The following SNX2 variants were observed in gnomAD, a reference collection of about 807,000 sequenced individuals.
The protein encoded by SNX2 is sorting nexin-2.
SNX2 carries 25 observed loss-of-function variants against 69.9 expected under a neutral mutation model. The ratio of observed to expected loss-of-function variants is 0.36; its 90% confidence interval spans 0.26 to 0.50. SNX2 has a LOEUF of 0.50. Ranked by LOEUF, SNX2 falls within the 20% of genes least tolerant of loss-of-function variation. SNX2 has a pLI of 0.97. For synonymous variants in SNX2, 229 were observed against 200.4 expected (o/e 1.14, Z -1.20); for missense variants, 551 against 613.3 (o/e 0.90, Z 1.07).
rs942821945 is a variant in SNX2, at chr5:122,798,303, A to G, written c.227-1389A>G. 3.9e-5 allele frequency among the ~76,000 whole-genome samples: 6 copies of G among 152,246 alleles called. 1 individual carries two copies. Among genetic ancestry groups the G allele is most frequent in the Admixed American group, 3.9e-4 (6 of 15,290 alleles). ...GCTTATCTATAGCCTGTTTCAACATATATAGTCCATTTTCCTTCCTCTGGT... is the reference window on the plus strand; with the variant it reads ...GCTTATCTATAGCCTGTTTCAACATGTATAGTCCATTTTCCTTCCTCTGGT... On this transcript the variant is annotated intron_variant, in intron 2 of 14. Coordinates refer to ENST00000379516, the MANE Select transcript of SNX2 (RefSeq NM_003100.4).
chr5:122,785,180 T>A (rs1753058190), intron 1 of SNX2, among the ~76,000 whole-genome samples: 1 of 152,096 alleles, frequency 6.6e-6, no homozygotes, highest in African/African-American at 2.4e-5. Context: ...TTTCATTGAT[T>A]TTTTTCCTCC....
rs1365691103 is a variant in SNX2, at chr5:122,830,158, G to A, written c.*510G>A. On this transcript the variant is annotated 3_prime_UTR_variant, in exon 15 of 15. Transcript: ENST00000379516. ...TTTAAACATTAGGAATCTTTTCAAA[G>A]CATTTTTAATAGGAAGAAATTTTTC... 6.5e-6 allele frequency: 1 copy of A among 153,506 alleles called. No individual in the cohort carries two copies. The highest frequency in any genetic ancestry group is 1.5e-5 in the Non-Finnish European group (1 of 68,762). 9.5% of individuals were successfully genotyped at this position (153,506 alleles called of 1,614,324 possible).
In SNX2 at chr5:122,799,766, A is replaced by C. The variant is rs1329587127; in HGVS notation, c.301A>C (p.Thr101Pro). ...ATCCTCGGAACCTTCTCCTGCAGTC[A>C]CACCTGTCACTCCTACTACACTCAT... Reference protein sequence around the residue: ...ILSSEPSPAVTPVTPTTLIAP... With the variant: ...ILSSEPSPAVPPVTPTTLIAP... The change falls in exon 3 of 15, where the codon ACA becomes CCA. Residue 101 changes from threonine (T) to proline (P), a missense_variant. By Grantham distance (38) the Thr-to-Pro change is conservative (BLOSUM62 -1). Coordinates refer to ENST00000379516, the MANE Select transcript of SNX2 (RefSeq NM_003100.4). 1 of 1,613,822 alleles carries C rather than the reference A, an allele frequency of 6.2e-7. No homozygotes were observed. Among genetic ancestry groups the C allele is most frequent in the African/African-American group, 1.3e-5 (1 of 75,040 alleles).
intron 1 of SNX2, among the ~76,000 whole-genome samples, chr5:122,780,653 T>A (rs1191157123): frequency 6.7e-6 from 1 of 150,098 alleles, no homozygotes; most frequent in Non-Finnish European, 1.5e-5. Flanking sequence ...CACTGCAGCC[T>A]CTGCCTCCCA....
intron 3 of SNX2, among the ~76,000 whole-genome samples, 159 bp from the exon 4 acceptor site, chr5:122,801,710 A>T (rs1016088868): frequency 6.9e-6 from 1 of 144,866 alleles, no homozygotes; most frequent in Admixed American, 6.8e-5. Context: ...AAAGTCAGGA[A>T]ATGTGAAAGT....
At chr5:122,806,092 T>TTA (rs1025937161) in intron 6 of SNX2, among the ~76,000 whole-genome samples, 3 of 89,418 alleles carry the variant, frequency 3.4e-5, no homozygotes, top group African/African-American at 7.7e-5. Flanking sequence ...TTTAAAACTT[T>TTA]TATGTGTGTG....
chr5:122,803,397 C>T, intron 5 of SNX2, 75 bp from the exon 6 acceptor site: 1 of 1,425,796 alleles, frequency 7.0e-7, no homozygotes, highest in Non-Finnish European at 9.5e-7. Context: ...TATGTGTTCA[C>T]AATTATGTAT....
chr5:122,806,142 G>GCGCGCGCGCACACGCACACACACACACA, intron 6 of SNX2, among the ~76,000 whole-genome samples: 2 of 130,582 alleles, frequency 1.5e-5, no homozygotes, highest in East Asian at 2.1e-4. Flanking sequence ...ACACGCGCGC[G>GCGCGCGCGCACACGCACACACACACACA]CACACACACA....
At chr5:122,823,339 A>T (rs1243521026) in intron 11 of SNX2, among the ~76,000 whole-genome samples, 1 of 116,536 alleles carries the variant, frequency 8.6e-6, no homozygotes, top group Non-Finnish European at 1.7e-5. Flanking sequence ...GTTAATTTGT[A>T]TATTTAAGAT....
chr5:122,790,785 T>C (rs1352272120), intron 1 of SNX2, among the ~76,000 whole-genome samples: 7 of 152,192 alleles, frequency 4.6e-5, no homozygotes, highest in Non-Finnish European at 8.8e-5. Context: ...AATATCTGGA[T>C]TTCTGAATTG....
At chr5:122,789,633 A>C (rs1015313850) in intron 1 of SNX2, among the ~76,000 whole-genome samples, 4 of 152,162 alleles carry the variant, frequency 2.6e-5, no homozygotes, top group African/African-American at 9.7e-5. Flanking sequence ...GGGGAAAAAA[A>C]CAGGGATTTA....
Position 122,815,878 on chromosome 5 carries a change from T to G in SNX2, c.723-18T>G, listed in dbSNP as rs1753888584. On this transcript the variant is annotated intron_variant, in intron 7 of 14. Coordinates refer to ENST00000379516, the MANE Select transcript of SNX2 (RefSeq NM_003100.4). ...CAAGATGCTACTGATAAAGGAGCAATTTTACTCTTAAATCTAGGTATCTTC... is the reference window on the plus strand; with the variant it reads ...CAAGATGCTACTGATAAAGGAGCAAGTTTACTCTTAAATCTAGGTATCTTC... 3 of 1,455,942 alleles carry G rather than the reference T, an allele frequency of 2.1e-6. No homozygotes were observed. Among genetic ancestry groups the G allele is most frequent in the Non-Finnish European group, 2.8e-6 (3 of 1,059,642 alleles). The allele number at this position is 1,455,942 out of a possible 1,614,324, so 90.2% of individuals were successfully genotyped here.
At chr5:122,824,129 G>A (rs750437422) in intron 11 of SNX2, among the ~76,000 whole-genome samples, 9 of 151,462 alleles carry the variant, frequency 5.9e-5, no homozygotes, top group African/African-American at 9.7e-5. Flanking sequence ...GTGAACCTGG[G>A]AGTTGGAGCT....
At chr5:122,827,043 C>T (rs1295951128) in intron 12 of SNX2, among the ~76,000 whole-genome samples, 2 of 151,928 alleles carry the variant, frequency 1.3e-5, no homozygotes, top group African/African-American at 4.8e-5. Context: ...AAGAAAATTA[C>T]ACTATAGCAC....
intron 1 of SNX2, among the ~76,000 whole-genome samples, chr5:122,783,871 T>G: frequency 6.6e-6 from 1 of 151,972 alleles, no homozygotes; most frequent in East Asian, 1.9e-4. Flanking sequence ...AATTAACCCA[T>G]TAACAATATT....
chr5:122,798,303 A>T (rs942821945), intron 2 of SNX2, among the ~76,000 whole-genome samples: 7 of 152,128 alleles, frequency 4.6e-5, no homozygotes, highest in African/African-American at 1.7e-4. Flanking sequence ...GTTTCAACAT[A>T]TATAGTCCAT....
chr5:122,784,027 A>G (rs1753029954), intron 1 of SNX2, among the ~76,000 whole-genome samples: 1 of 151,658 alleles, frequency 6.6e-6, no homozygotes, highest in Non-Finnish European at 1.5e-5. Context: ...CATAGTTTTT[A>G]GTGCTTTTAT....
intron 1 of SNX2, chr5:122,775,556 A>G (rs547805009): frequency 2.0e-6 from 2 of 1,016,514 alleles, no homozygotes; most frequent in South Asian, 4.5e-5. Flanking sequence ...TCTGCATCCC[A>G]GTAAACCTCC....
chr5:122,801,964 T>G, intron 4 of SNX2, 29 bp downstream of exon 4: 1 of 1,549,876 alleles, frequency 6.5e-7, no homozygotes, highest in East Asian at 2.2e-5. Flanking sequence ...TATTTTGTAT[T>G]TACTTTTTAT....
Sources: allele counts gnomAD v4.1 joint callset (sites outside exome capture counted in the v4.1 genomes callset), GRCh38; gene constraint gnomAD v4.1.1; transcripts MANE v1.5; gene names NCBI Gene and HGNC (gene_info 2026-07-23, HGNC 2026-07-21).